The following ADCK1 variants were observed in gnomAD, a reference collection of about 807,000 sequenced individuals.
ADCK1 encodes aarF domain-containing protein kinase 1.
In ADCK1, 41 loss-of-function variants were observed where a neutral mutation model predicts 52.3. That is an observed-to-expected ratio of 0.78 (90% CI 0.61 to 1.02). ADCK1 has a LOEUF of 1.02. Among genes scored for constraint, ADCK1 ranks in the 50% least tolerant of loss-of-function variants. ADCK1 has a pLI of 0.00. For synonymous variants in ADCK1, 250 were observed against 274.6 expected, an observed-to-expected ratio of 0.91 and a Z score of 0.89; for missense variants, 658 against 679.5, an observed-to-expected ratio of 0.97 and a Z score of 0.35.
At chr14:77,852,314 T>TGTA (rs1168503442) in intron 3 of ADCK1, among the ~76,000 whole-genome samples, 1 of 152,106 alleles carries the variant, frequency 6.6e-6, no homozygotes, top group Non-Finnish European at 1.5e-5. Context: ...TAACATCTCT[T>TGTA]GTAGTGCAGG....
intron 4 of ADCK1, among the ~76,000 whole-genome samples, chr14:77,865,974 T>A (rs1566681260): frequency 6.6e-6 from 1 of 152,194 alleles, no homozygotes; most frequent in Non-Finnish European, 1.5e-5. Context: ...CAGAGTTCCA[T>A]CTTTACCTGG....
intron 3 of ADCK1, among the ~76,000 whole-genome samples, chr14:77,827,003 C>T (rs2081723664): frequency 6.6e-6 from 1 of 152,090 alleles, no homozygotes; most frequent in East Asian, 1.9e-4. Flanking sequence ...TGTTGGCAGC[C>T]ATCTTTGCCA....
intron 4 of ADCK1, among the ~76,000 whole-genome samples, chr14:77,861,275 C>T (rs1439028856): frequency 6.6e-6 from 1 of 152,182 alleles, no homozygotes; most frequent in African/African-American, 2.4e-5. Context: ...CCCACAGGCA[C>T]ACACTCTGTC....
At chr14:77,931,225 A>C (rs1040912224) in intron 9 of ADCK1, among the ~76,000 whole-genome samples, 9 of 152,186 alleles carry the variant, frequency 5.9e-5, no homozygotes, top group African/African-American at 2.2e-4. Flanking sequence ...AATTGCGGCC[A>C]GTGAAAAAGC....
chr14:77,879,135 C>G (rs17106522), intron 4 of ADCK1, among the ~76,000 whole-genome samples: 22,681 of 152,106 alleles, frequency 0.15, 2,131 homozygotes, highest in African/African-American at 0.26. Flanking sequence ...TTCAGCTCCC[C>G]TGGATCAGCT....
chr14:77,904,957 C>T (rs530110092), intron 6 of ADCK1, among the ~76,000 whole-genome samples: 1 of 152,090 alleles, frequency 6.6e-6, no homozygotes, highest in Non-Finnish European at 1.5e-5. Context: ...CACCCCACAC[C>T]CCCAGGTCCT....
At chr14:77,877,287 G>C (rs1214791456) in intron 4 of ADCK1, among the ~76,000 whole-genome samples, 1 of 152,236 alleles carries the variant, frequency 6.6e-6, no homozygotes, top group Non-Finnish European at 1.5e-5. Context: ...CATAGCTTAG[G>C]CACATTTGCT....
At position 77,896,730 on chromosome 14, in the gene ADCK1, C is replaced by T. The variant is rs557865877; in HGVS notation, c.583-2370C>T. ...CCAGGCCTCTCTGTTGCCCCCTCTC[C>T]CTTCTAGTCTTGCTTGATACAAACA... On this transcript the variant is annotated intron_variant, in intron 5 of 10. Transcript: ENST00000238561. Among the ~76,000 whole-genome samples the T allele has an allele frequency of 5.9e-5, 9 of 152,344 alleles. No homozygotes were observed. The South Asian group carries it at 1.5e-3, about 25-fold the overall frequency.
At chr14:77,843,031 AG>A (rs1319975023) in intron 3 of ADCK1, among the ~76,000 whole-genome samples, 1 of 151,910 alleles carries the variant, frequency 6.6e-6, no homozygotes. Flanking sequence ...CTGGGATCAC[AG>A]GTGTGTGCCA....
intron 4 of ADCK1, 82 bp downstream of exon 4, chr14:77,859,361 G>A: frequency 7.3e-7 from 1 of 1,379,162 alleles, no homozygotes; most frequent in South Asian, 1.4e-5. Flanking sequence ...GCCTCGACCA[G>A]GGTGCTGGGG....
At chr14:77,814,006 G>A (rs560360272) in intron 1 of ADCK1, among the ~76,000 whole-genome samples, 33 of 152,142 alleles carry the variant, frequency 2.2e-4, no homozygotes, top group South Asian at 2.1e-3. Context: ...GACCTCAGGT[G>A]ATCCGCCTGC....
At chr14:77,834,034 A>G (rs1267479234) in intron 3 of ADCK1, among the ~76,000 whole-genome samples, 3 of 152,216 alleles carry the variant, frequency 2.0e-5, no homozygotes, top group South Asian at 2.1e-4. Context: ...TTACCCATGC[A>G]GTTATAGCCC....
chr14:77,848,184 C>T (rs776830883), intron 3 of ADCK1, among the ~76,000 whole-genome samples: 1 of 152,218 alleles, frequency 6.6e-6, no homozygotes, highest in Non-Finnish European at 1.5e-5. Flanking sequence ...GGATTACAGG[C>T]ATGAGCCCCG....
chr14:77,921,326 CA>C (rs756056466), intron 7 of ADCK1, among the ~76,000 whole-genome samples: 4,610 of 40,910 alleles, frequency 0.11, 28 homozygotes, highest in Middle Eastern at 0.15. Context: ...GACTCTGTCT[CA>C]AAAAAAAAAA....
At chr14:77,815,200 T>A (rs2081420189) in intron 1 of ADCK1, among the ~76,000 whole-genome samples, 3 of 8,330 alleles carry the variant, frequency 3.6e-4, no homozygotes, top group Admixed American at 2.6e-3. Flanking sequence ...TTGTTTTGTC[T>A]TTTTTTTTTT....
At chr14:77,858,531 C>T (rs996538581) in intron 3 of ADCK1, among the ~76,000 whole-genome samples, 3 of 152,246 alleles carry the variant, frequency 2.0e-5, no homozygotes, top group South Asian at 2.1e-4. Context: ...TGAGCCACCG[C>T]GCCTGGCCTA....
At position 77,896,418 on chromosome 14, in the gene ADCK1, T is replaced by C. The variant is rs192085498; in HGVS notation, c.583-2682T>C. 4.6e-5 allele frequency among the ~76,000 whole-genome samples: 7 copies of C among 152,358 alleles called. No individual in the cohort carries two copies. The East Asian group carries it at 1.2e-3, about 25-fold the overall frequency. ...TGATTGGACAAATGAGAGAGCCTCA[T>C]TGTGGCCCCTTTCCTTGCCCCTCTC... is the stretch of plus-strand genomic sequence containing the variant. On this transcript the variant is annotated intron_variant, in intron 5 of 10. Coordinates refer to ENST00000238561, the MANE Select transcript of ADCK1 (RefSeq NM_020421.4).
intron 4 of ADCK1, among the ~76,000 whole-genome samples, chr14:77,870,934 CT>C (rs1362297946): frequency 6.6e-6 from 1 of 152,200 alleles, no homozygotes; most frequent in Non-Finnish European, 1.5e-5. Flanking sequence ...ATTGCAGTGG[CT>C]TCTGATGCCT....
chr14:77,804,017 G>C (rs1201810183), intron 1 of ADCK1, among the ~76,000 whole-genome samples: 1 of 152,138 alleles, frequency 6.6e-6, no homozygotes, highest in South Asian at 2.1e-4. Flanking sequence ...AATAATATTT[G>C]TCTCTCCTCA....
Sources: allele counts gnomAD v4.1 joint callset (sites outside exome capture counted in the v4.1 genomes callset), GRCh38; gene constraint gnomAD v4.1.1; transcripts MANE v1.5; gene names NCBI Gene and HGNC (gene_info 2026-07-23, HGNC 2026-07-21).